Variants in DACT2 observed in about 807,000 individuals in gnomAD.
DACT2 encodes the protein dapper homolog 2.
Under a neutral mutation model 22.2 loss-of-function variants are expected in DACT2, and 20 were observed. The observed-to-expected ratio is 0.90, with a 90% CI of 0.63 to 1.31. The LOEUF is 1.31. DACT2 is among the 50% of genes most tolerant of loss of function. The pLI is 0.00. For missense variants in DACT2, 1,048 were observed against 1,061.4 expected, an observed-to-expected ratio of 0.99 and a Z score of 0.18; for synonymous variants, 463 against 479.8, an observed-to-expected ratio of 0.96 and a Z score of 0.46.
Position 168,308,858 on chromosome 6 carries a change from C to T in DACT2, c.899G>A (p.Gly300Asp). ...GGGGCTCTCCCTAGGGAACGAGGGGCCACCTCTCTGTGGGGTTTCCTTAGT... is the reference window on the plus strand; with the variant it reads ...GGGGCTCTCCCTAGGGAACGAGGGGTCACCTCTCTGTGGGGTTTCCTTAGT... ...VLTKETPQRGGPSFPRESPRG... is the reference protein window; with the variant it reads ...VLTKETPQRGDPSFPRESPRG... Residue 300 changes from glycine to aspartate, a missense_variant, in exon 4 of 4, where the codon GGC becomes GAC. By Grantham distance (94) the Gly-to-Asp change is moderately conservative. Transcript: ENST00000366795. The T allele has an allele frequency of 6.4e-7, 1 of 1,551,068 alleles. No individual in the cohort carries two copies. Among genetic ancestry groups the T allele is most frequent in the South Asian group, 1.2e-5 (1 of 84,042 alleles).
chr6:168,314,180 C>G (rs1194396711), intron 1 of DACT2, among the ~76,000 whole-genome samples: 1 of 152,218 alleles, frequency 6.6e-6, no homozygotes, highest in Non-Finnish European at 1.5e-5. Context: ...CCACGCATGT[C>G]CATGATTGGA....
downstream of DACT2, among the ~76,000 whole-genome samples, chr6:168,302,977 T>C (rs1179764228): frequency 2.0e-5 from 3 of 152,258 alleles, no homozygotes; most frequent in Non-Finnish European, 4.4e-5. Context: ...TCTTGTGGAC[T>C]TTAATCTTTA....
Position 168,307,658 on chromosome 6 carries a change from C to A in DACT2, c.2099G>T (p.Ser700Ile). ...GGCGCCGCCCTCCTCGTCGCTGCTGCTGGACTCACGGTCTCCGAATCGGTT... is the reference window on the plus strand; with the variant it reads ...GGCGCCGCCCTCCTCGTCGCTGCTGATGGACTCACGGTCTCCGAATCGGTT... The part of the protein sequence containing the change: ...TTNRFGDRES[S>I]SSDEEGGAQS... Residue 700 changes from serine (S) to isoleucine (I), a missense_variant, in exon 4 of 4, where the codon AGC (serine) becomes ATC (isoleucine). Physicochemically the swap from Ser to Ile is moderately radical, Grantham distance 142. Transcript: ENST00000366795. The surrounding 1 kb of genome is among the most constrained non-coding windows in gnomAD (Gnocchi z 5.3). 6.5e-7 allele frequency: 1 copy of A among 1,548,942 alleles called. No individual in the cohort carries two copies. The highest frequency in any genetic ancestry group is 2.0e-5 in the Admixed American group (1 of 50,888).
rs148283591 is a variant in DACT2 at position 168,296,889 on chromosome 6, G to A, written c.659-2185C>T. 1.6e-3 allele frequency among the ~76,000 whole-genome samples: 237 copies of A among 152,134 alleles called. 1 individual carries two copies. The highest frequency in any genetic ancestry group is 2.8e-3 in the Non-Finnish European group (193 of 68,014). ...AGCCTCAGCTGGGGAAGTGATACTC[G>A]CAAAACCTGTAACTTACCACTCACC... is the stretch of plus-strand genomic sequence containing the variant. On this transcript the variant is annotated intron_variant, in intron 3 of 5. Transcript: ENST00000366796.
At chr6:168,294,371 G>A (rs1481323741) in intron 4 of DACT2, among the ~76,000 whole-genome samples, 1 of 152,016 alleles carries the variant, frequency 6.6e-6, no homozygotes, top group African/African-American at 2.4e-5. Context: ...TCAGCGAGCT[G>A]GAGGTGCAGC....
downstream of DACT2, among the ~76,000 whole-genome samples, chr6:168,304,027 G>C (rs11757729): frequency 0.14 from 20,598 of 152,090 alleles, 1,438 homozygotes; most frequent in Middle Eastern, 0.18. Flanking sequence ...TATTTTTATT[G>C]TAAGCATGCT....
intron 5 of DACT2, chr6:168,293,956 C>T: frequency 1.4e-6 from 1 of 703,358 alleles, no homozygotes; most frequent in Non-Finnish European, 2.6e-6. Flanking sequence ...AAGTGACGTC[C>T]CCAGGGATGA....
At chr6:168,301,880 G>C (rs1372281526) in intron 3 of DACT2, among the ~76,000 whole-genome samples, 1 of 152,226 alleles carries the variant, frequency 6.6e-6, no homozygotes, top group Non-Finnish European at 1.5e-5. Context: ...GGAGCTATGG[G>C]ATGACCCACA....
Position 168,312,783 on chromosome 6 carries a change from G to A in DACT2, c.247-1499C>T, listed in dbSNP as rs771624116. Among the ~76,000 whole-genome samples the A allele has an allele frequency of 3.3e-5, 5 of 152,154 alleles. No individual in the cohort carries two copies. In the East Asian group the frequency reaches 5.8e-4, roughly 18 times the overall value. On this transcript the variant is annotated intron_variant, in intron 1 of 3. Transcript: ENST00000366795. ...GAGTTCCCCTGAGCCCCATAACCTAGGCCTCAGGGAATTACTTCAGTAATT... is the reference window on the plus strand; with the variant it reads ...GAGTTCCCCTGAGCCCCATAACCTAAGCCTCAGGGAATTACTTCAGTAATT...
In DACT2 at chr6:168,307,867, C is replaced by G. The variant is rs1257377703; in HGVS notation, c.1890G>C (p.Gly630=). The part of the protein sequence containing the change: ...RLASCPESNL[G]PPRPVARRAG... ...CTCTCCTGGCCACGGGCCTGGGGGG[C>G]CCCAGGTTAGACTCAGGACAGCTGG... The change falls in exon 4 of 4, where the codon GGG becomes GGC. Residue 630 remains glycine, a synonymous_variant. Coordinates refer to ENST00000366795, the MANE Select transcript of DACT2 (RefSeq NM_214462.5). The surrounding 1 kb of genome is among the most constrained non-coding windows in gnomAD (Gnocchi z 5.3). 6.5e-7 allele frequency: 1 copy of G among 1,538,926 alleles called. No individual in the cohort carries two copies. The highest frequency in any genetic ancestry group is 1.2e-5 in the South Asian group (1 of 83,784).
At chr6:168,310,815 C>T (rs1474070351) in intron 2 of DACT2, among the ~76,000 whole-genome samples, 1 of 152,204 alleles carries the variant, frequency 6.6e-6, no homozygotes, top group African/African-American at 2.4e-5. Flanking sequence ...CTGTCTCTCT[C>T]TTTCTTCCCT....
chr6:168,314,368 C>G lies in DACT2; in HGVS notation c.247-3084G>C, dbSNP rs77928755. ...TGGTATAAAGGCGCTCATACCAAGC[C>G]TCTCCAGGCAGTGGGATCAGCTGGG... On this transcript the variant is annotated intron_variant, in intron 1 of 3. Transcript: ENST00000366795. Among the ~76,000 whole-genome samples the G allele has an allele frequency of 0.015, 2,247 of 152,238 alleles. 243 individuals carry two copies. The East Asian group carries it at 0.29, about 19-fold the overall frequency.
In DACT2 at chr6:168,307,213, G is replaced by A. The variant is rs1359401966; in HGVS notation, c.*219C>T. 2.9e-6 allele frequency: 4 copies of A among 1,396,626 alleles called. No homozygotes were observed. Among genetic ancestry groups the A allele is most frequent in the Admixed American group, 3.2e-5 (1 of 30,918 alleles). The allele number at this position is 1,396,626 out of a possible 1,614,324, so 86.5% of individuals were successfully genotyped here. The stretch of plus-strand genomic sequence containing the variant: ...ACTAGGTCGGCCGGGGAGGCTGCTG[G>A]CATCTGAAACCAGAGCTCCGCATGG... On this transcript the variant is annotated 3_prime_UTR_variant, in exon 4 of 4. Coordinates refer to ENST00000366795, the MANE Select transcript of DACT2 (RefSeq NM_214462.5). The surrounding 1 kb of genome is among the most constrained non-coding windows in gnomAD (Gnocchi z 5.3).
downstream of DACT2, among the ~76,000 whole-genome samples, chr6:168,303,326 G>T (rs1779143959): frequency 6.6e-6 from 1 of 152,236 alleles, no homozygotes; most frequent in South Asian, 2.1e-4. Context: ...ATGTGGTGGT[G>T]TTGGGAGGTG....
chr6:168,308,281 G>T lies in DACT2; in HGVS notation c.1476C>A (p.Pro492=). ...SFAASLKMGP[P]KSKAEKIKRS... ...TCTTGATTTTTTCAGCCTTGCTCTT[G>T]GGGGGACCCATTTTCAGGCTGGCAG... is the stretch of plus-strand genomic sequence containing the variant. The change falls in exon 4 of 4, where the codon CCC becomes CCA. Residue 492 remains proline (P), a synonymous_variant. Transcript: ENST00000366795. 1 of 1,552,222 alleles carries T rather than the reference G, an allele frequency of 6.4e-7. No individual in the cohort carries two copies. Among genetic ancestry groups the T allele is most frequent in the Non-Finnish European group, 8.7e-7 (1 of 1,147,110 alleles).
intron 1 of DACT2, among the ~76,000 whole-genome samples, chr6:168,314,675 G>C (rs1235940533): frequency 1.3e-5 from 2 of 152,106 alleles, no homozygotes; most frequent in African/African-American, 2.4e-5. Flanking sequence ...ACACCTTTAC[G>C]GCACATGTGG....
In DACT2 at chr6:168,307,315, T is replaced by C; in HGVS notation, c.*117A>G. ...ATCTGCGGGGACTCCTGTTAAACGG[T>C]GGCCTCGGAAGATAAAGCGACTTGG... On this transcript the variant is annotated 3_prime_UTR_variant, in exon 4 of 4. Coordinates refer to ENST00000366795, the MANE Select transcript of DACT2 (RefSeq NM_214462.5). This position sits in a 1 kb window ranked among gnomAD's most constrained non-coding sequence, Gnocchi z 5.3. 2 of 1,481,148 alleles carry C rather than the reference T, an allele frequency of 1.4e-6. No homozygotes were observed. Among genetic ancestry groups the C allele is most frequent in the Non-Finnish European group, 9.0e-7 (1 of 1,116,266 alleles). 91.8% of individuals were successfully genotyped at this position (1,481,148 alleles called of 1,614,324 possible).
intron 1 of DACT2, among the ~76,000 whole-genome samples, chr6:168,312,721 T>C (rs1239035325): frequency 6.6e-6 from 1 of 152,200 alleles, no homozygotes; most frequent in East Asian, 1.9e-4. Context: ...CTTAAGAAAA[T>C]GATTAATTAT....
downstream of DACT2, among the ~76,000 whole-genome samples, chr6:168,304,588 G>A (rs1779166314): frequency 6.6e-6 from 1 of 152,240 alleles, no homozygotes; most frequent in South Asian, 2.1e-4. Context: ...GGGTCAGGGA[G>A]GCTCACCAAC....
Sources: gnomAD v4.1 joint callset for allele counts (sites outside exome capture counted in the v4.1 genomes callset) on GRCh38, gnomAD v4.1.1 for gene constraint, Gnocchi (gnomAD v3.1) non-coding constraint, MANE v1.5 for transcripts, NCBI Gene and HGNC (gene_info 2026-07-23, HGNC 2026-07-21) for gene names.